Variants in CDK5RAP2 observed in about 807,000 individuals in gnomAD.
The protein encoded by CDK5RAP2 is CDK5 regulatory subunit associated protein 2.
CDK5RAP2 carries 147 observed loss-of-function variants against 232.9 expected under a neutral mutation model. The observed-to-expected ratio is 0.63, with a 90% confidence interval of 0.55 to 0.72. The LOEUF is 0.72. Ranked by LOEUF, CDK5RAP2 falls within the 30% of genes least tolerant of loss-of-function variation. The pLI is 0.00. For synonymous variants in CDK5RAP2, 833 were observed against 833.7 expected, an observed-to-expected ratio of 1.00 and a Z score of 0.01; for missense variants, 2,195 against 2,231.5, an observed-to-expected ratio of 0.98 and a Z score of 0.33.
At chr9:120,565,891 G>C (rs1203035164) in intron 3 of CDK5RAP2, among the ~76,000 whole-genome samples, 1 of 152,158 alleles carries the variant, frequency 6.6e-6, no homozygotes, top group African/African-American at 2.4e-5. Flanking sequence ...CTGGACAGGG[G>C]GACTTACCTG....
Position 120,561,863 on chromosome 9 carries a change from C to T in CDK5RAP2, c.195+6458G>A, listed in dbSNP as rs58915453. Among the ~76,000 whole-genome samples, 928 of 152,270 alleles carry T rather than the reference C, an allele frequency of 6.1e-3. 13 individuals carry two copies. Among genetic ancestry groups the T allele is most frequent in the African/African-American group, 0.021 (892 of 41,530 alleles). On this transcript the variant is annotated intron_variant, in intron 3 of 37. Transcript: ENST00000349780. ...AAGTGATTCACAGTCAACTGTTTAA[C>T]CATTTCTCTGCTGTGCACTGATAGA...
intron 1 of CDK5RAP2, among the ~76,000 whole-genome samples, chr9:120,573,620 C>G (rs1248648659): frequency 6.6e-6 from 1 of 151,762 alleles, no homozygotes; most frequent in Admixed American, 6.6e-5. Flanking sequence ...CAGAATATGT[C>G]CTCAATTATG....
chr9:120,502,829 G>A (rs192263002), intron 12 of CDK5RAP2, among the ~76,000 whole-genome samples: 24 of 152,218 alleles, frequency 1.6e-4, no homozygotes, highest in Admixed American at 3.3e-4. Flanking sequence ...GGATACCAAA[G>A]AGTATAGACC....
At position 120,530,114 on chromosome 9, in the gene CDK5RAP2, A is replaced by G. The variant is rs752589864; in HGVS notation, c.689T>C (p.Leu230Ser). 1.4e-5 allele frequency: 22 copies of G among 1,613,670 alleles called. No individual in the cohort carries two copies. The highest frequency in any genetic ancestry group is 1.9e-5 in the Non-Finnish European group (22 of 1,179,866). ...CTGAATTAAAGCTTCTTTGCTCTTC[A>G]AAGACAGCTTCAACTCCTCAATCAG... ...DRLIEELKLS[L>S]KSKEALIQCL... Residue 230 changes from leucine to serine, a missense_variant, in exon 8 of 38, where the codon TTG (leucine) becomes TCG (serine). Coordinates refer to ENST00000349780, the MANE Select transcript of CDK5RAP2 (RefSeq NM_018249.6).
At chr9:120,389,912 T>G in intron 36 of CDK5RAP2, 125 bp from the exon 37 acceptor site, 3 of 832,604 alleles carry the variant, frequency 3.6e-6, no homozygotes, top group East Asian at 2.6e-5. Flanking sequence ...ACACGAGGTC[T>G]GAAGCATCCA....
At chr9:120,516,997 C>A (rs1299701033) in intron 12 of CDK5RAP2, among the ~76,000 whole-genome samples, 1 of 152,140 alleles carries the variant, frequency 6.6e-6, no homozygotes, top group Non-Finnish European at 1.5e-5. Flanking sequence ...TTAAGTAAAT[C>A]ATGTGAAATC....
At chr9:120,395,238 T>C (rs1164473863) in intron 35 of CDK5RAP2, among the ~76,000 whole-genome samples, 2 of 152,208 alleles carry the variant, frequency 1.3e-5, no homozygotes, top group African/African-American at 4.8e-5. Context: ...CCCACATCCA[T>C]AGATGTGTAT....
chr9:120,477,480 A>G (rs746692249), intron 14 of CDK5RAP2, 30 bp from the exon 15 acceptor site: 367 of 1,509,430 alleles, frequency 2.4e-4, no homozygotes, highest in Non-Finnish European at 3.3e-4. Context: ...TTTGACATTA[A>G]GGAAAGAATT....
chr9:120,521,934 C>T lies in CDK5RAP2; in HGVS notation c.1092+3052G>A, dbSNP rs111848814. Among the ~76,000 whole-genome samples the T allele has an allele frequency of 9.0e-3, 1,362 of 152,158 alleles. 15 individuals carry two copies. The highest frequency in any genetic ancestry group is 0.024 in the Middle Eastern group (7 of 294). ...TGCTGGGATTACAGGCACGAGCCACCGCACCTGGCCTAAACCTTTTTCTTT... is the reference window on the plus strand; with the variant it reads ...TGCTGGGATTACAGGCACGAGCCACTGCACCTGGCCTAAACCTTTTTCTTT... On this transcript the variant is annotated intron_variant, in intron 11 of 37. Transcript: ENST00000349780.
At chr9:120,530,247 A>G in intron 7 of CDK5RAP2, 107 bp from the exon 8 acceptor site, 1 of 762,078 alleles carries the variant, frequency 1.3e-6, no homozygotes, top group Admixed American at 2.1e-5. Flanking sequence ...AGACATATAC[A>G]ATGGCTGAAC....
intron 3 of CDK5RAP2, among the ~76,000 whole-genome samples, chr9:120,557,800 T>TG (rs1231078446): frequency 7.0e-6 from 1 of 142,282 alleles, no homozygotes; most frequent in Non-Finnish European, 1.5e-5. Context: ...AGTCTCGCTC[T>TG]GTCACCCAGG....
intron 3 of CDK5RAP2, among the ~76,000 whole-genome samples, chr9:120,561,554 T>G (rs751322752): frequency 1.3e-4 from 20 of 151,584 alleles, no homozygotes; most frequent in Non-Finnish European, 2.8e-4. Flanking sequence ...CCTGCCTTGG[T>G]CTCCCAAAGT....
intron 23 of CDK5RAP2, among the ~76,000 whole-genome samples, chr9:120,442,067 G>A (rs955907981): frequency 2.0e-5 from 3 of 152,136 alleles, no homozygotes; most frequent in African/African-American, 4.8e-5. Flanking sequence ...TGTACTTCAT[G>A]GCAAGAAGCG....
chr9:120,509,205 A>T (rs1261354032), intron 12 of CDK5RAP2, among the ~76,000 whole-genome samples: 1 of 152,208 alleles, frequency 6.6e-6, no homozygotes, highest in East Asian at 1.9e-4. Context: ...GTTACTATTG[A>T]TCAAGGAAGA....
intron 27 of CDK5RAP2, among the ~76,000 whole-genome samples, chr9:120,418,397 G>A (rs2034364814): frequency 1.3e-5 from 2 of 152,168 alleles, no homozygotes; most frequent in African/African-American, 4.8e-5. Context: ...AAAAGAATAG[G>A]GATCTCAAGA....
chr9:120,399,204 G>C (rs993175803), intron 35 of CDK5RAP2, among the ~76,000 whole-genome samples: 1 of 152,116 alleles, frequency 6.6e-6, no homozygotes, highest in African/African-American at 2.4e-5. Flanking sequence ...AACTTTTTTT[G>C]TGTGTATATA....
chr9:120,390,688 T>C (rs2031864195), intron 36 of CDK5RAP2, among the ~76,000 whole-genome samples: 1 of 152,158 alleles, frequency 6.6e-6, no homozygotes, highest in Non-Finnish European at 1.5e-5. Context: ...TAAGATCAGC[T>C]TACTCCCCAC....
chr9:120,487,294 C>T lies in CDK5RAP2; in HGVS notation c.1626G>A (p.Lys542=). ...QPPGSKTIFS[K]EKKQSSDYEE... ...AATGTCCAATTTCAGTCAAGCTTAC[C>T]TTAGAGAAGATGGTTTTGCTGCCTG... Residue 542 remains lysine (K), a splice_region_variant and synonymous_variant, in exon 14 of 38, where the codon AAG becomes AAA. Coordinates refer to ENST00000349780, the MANE Select transcript of CDK5RAP2 (RefSeq NM_018249.6). 6.2e-7 allele frequency: 1 copy of T among 1,614,022 alleles called. No homozygotes were observed. The highest frequency in any genetic ancestry group is 8.5e-7 in the Non-Finnish European group (1 of 1,179,998).
chr9:120,526,237 T>C lies in CDK5RAP2; in HGVS notation c.1000-1159A>G, dbSNP rs79619861. Among the ~76,000 whole-genome samples the C allele has an allele frequency of 1.2e-3, 188 of 152,336 alleles. 4 individuals carry two copies. The East Asian group carries it at 0.031, about 25-fold the overall frequency. ...CTCCAAACTTTAGGCATGCATGTCA[T>C]CTGCCTCCTGGACATCTCATCTGGA... On this transcript the variant is annotated intron_variant, in intron 10 of 37. Coordinates refer to ENST00000349780, the MANE Select transcript of CDK5RAP2 (RefSeq NM_018249.6).
Sources: gnomAD v4.1 joint callset for allele counts (sites outside exome capture counted in the v4.1 genomes callset) on GRCh38, gnomAD v4.1.1 for gene constraint, MANE v1.5 for transcripts, NCBI Gene and HGNC (gene_info 2026-07-23, HGNC 2026-07-21) for gene names.